ZC3H4: variants seen among roughly 807,000 people sequenced by gnomAD.
ZC3H4 encodes the protein zinc finger CCCH-type containing 4.
A neutral mutation model predicts 108.3 loss-of-function variants in ZC3H4; 13 were observed. That is an observed-to-expected ratio of 0.12 (90% CI 0.08 to 0.19). The LOEUF is 0.19. Among genes scored for constraint, ZC3H4 ranks in the 10% least tolerant of loss-of-function variants. ZC3H4 has a pLI of 1.00. For synonymous variants in ZC3H4, 917 were observed against 749.6 expected (o/e 1.22, Z -3.65); for missense variants, 1,734 against 1,838.8 (o/e 0.94, Z 1.04).
At position 47,090,995 on chromosome 19, in the gene ZC3H4, G is replaced by A. The variant is rs563040338; in HGVS notation, c.493-806C>T. The stretch of plus-strand genomic sequence containing the variant: ...AAAAGAAAGTCAGGGGGCTGGGCGC[G>A]GTGGCTCATGCCTGTAATCCCAGCA... On this transcript the variant is annotated intron_variant, in intron 4 of 14. Transcript: ENST00000253048. Among the ~76,000 whole-genome samples the A allele has an allele frequency of 9.2e-5, 14 of 152,298 alleles. 1 individual carries two copies. In the East Asian group the frequency reaches 1.5e-3, roughly 17 times the overall value.
intron 13 of ZC3H4, among the ~76,000 whole-genome samples, chr19:47,071,468 G>A (rs1039656745): frequency 3.3e-5 from 5 of 152,108 alleles, no homozygotes; most frequent in African/African-American, 1.2e-4. Context: ...ACTGAGTCCT[G>A]ATGGGCCCAC....
rs528031072 is a variant in ZC3H4 at position 47,077,772 on chromosome 19, G to A, written c.1440+3741C>T. The stretch of plus-strand genomic sequence containing the variant: ...CTCAGGAGGCTGAGGCAGGAGAATC[G>A]CTTGAACCTGGGAGGCGGAGGTCGT... On this transcript the variant is annotated intron_variant, in intron 11 of 14. Coordinates refer to ENST00000253048, the MANE Select transcript of ZC3H4 (RefSeq NM_015168.2). Among the ~76,000 whole-genome samples, 13 of 150,390 alleles carry A rather than the reference G, an allele frequency of 8.6e-5. No homozygotes were observed. In the East Asian group the frequency reaches 1.6e-3, roughly 18 times the overall value.
At chr19:47,070,987 A>AGAGCTGTGGG (rs1413065821) in intron 13 of ZC3H4, among the ~76,000 whole-genome samples, 29 of 151,836 alleles carry the variant, frequency 1.9e-4, no homozygotes, top group African/African-American at 7.0e-4. Flanking sequence ...CCCCAGTTCA[A>AGAGCTGTGGG]CACAGCGCCC....
chr19:47,092,652 A>G (rs1026677218), intron 4 of ZC3H4, among the ~76,000 whole-genome samples: 2 of 151,838 alleles, frequency 1.3e-5, no homozygotes, highest in Non-Finnish European at 2.9e-5. Flanking sequence ...CCCTGTCTCT[A>G]CTAAAAATAC....
chr19:47,077,139 G>C (rs1474506951), intron 11 of ZC3H4, among the ~76,000 whole-genome samples: 2 of 147,664 alleles, frequency 1.4e-5, no homozygotes, highest in Admixed American at 1.3e-4. Flanking sequence ...CAGCCTGGAC[G>C]ACAGAGCGAG....
chr19:47,101,249 C>T (rs544655172), intron 2 of ZC3H4, among the ~76,000 whole-genome samples: 3 of 152,052 alleles, frequency 2.0e-5, no homozygotes, highest in African/African-American at 4.8e-5. Flanking sequence ...GCGAGAGGAT[C>T]GATTCAGCCA....
chr19:47,077,468 TA>T (rs751302059), intron 11 of ZC3H4, among the ~76,000 whole-genome samples: 496 of 122,198 alleles, frequency 4.1e-3, no homozygotes, highest in African/African-American at 0.012. Flanking sequence ...AACTCCGTCT[TA>T]AAAAAAAAAA....
chr19:47,108,441 TG>T (rs1294974201), intron 2 of ZC3H4, among the ~76,000 whole-genome samples: 1 of 152,064 alleles, frequency 6.6e-6, no homozygotes, highest in African/African-American at 2.4e-5. Flanking sequence ...GCCATAAAAA[TG>T]TAACAAAAGG....
chr19:47,091,647 G>A (rs753635496), intron 4 of ZC3H4, among the ~76,000 whole-genome samples: 3 of 150,772 alleles, frequency 2.0e-5, no homozygotes, highest in Non-Finnish European at 2.9e-5. Context: ...CAGCACTTTC[G>A]GAGGCAAAGG....
rs751323266 is a variant in ZC3H4, at chr19:47,069,286, T to C, written c.2204A>G (p.Glu735Gly). 1.2e-6 allele frequency: 2 copies of C among 1,613,780 alleles called. No individual in the cohort carries two copies. Among genetic ancestry groups the C allele is most frequent in the African/African-American group, 2.7e-5 (2 of 74,902 alleles). ...GAAGCTGTCGGGCTCCAGAGGGTGC[T>C]CAGGGAAGAGGTGCTCCCCAGGCTC... ...PGEPGEHLFP[E>G]HPLEPDSFSE... The change falls in exon 14 of 15, where the codon GAG becomes GGG. Residue 735 changes from glutamate (E) to glycine (G), a missense_variant. Transcript: ENST00000253048.
At chr19:47,087,769 G>C (rs2057657384) in intron 5 of ZC3H4, among the ~76,000 whole-genome samples, 1 of 152,160 alleles carries the variant, frequency 6.6e-6, no homozygotes, top group Non-Finnish European at 1.5e-5. Context: ...AGCTACTGGA[G>C]AGGCTAAGGC....
Position 47,081,682 on chromosome 19 carries a change from G to A in ZC3H4, c.1331-60C>T, listed in dbSNP as rs888300328. The A allele has an allele frequency of 3.6e-6, 5 of 1,405,056 alleles. No homozygotes were observed. In the African/African-American group the frequency reaches 5.7e-5, roughly 16 times the overall value. The allele number at this position is 1,405,056 out of a possible 1,614,324, so 87.0% of individuals were successfully genotyped here. A position where few individuals can be genotyped will look rare whatever the true frequency, so the allele number is the denominator to read the frequency against. ...CAGAACGCCCCCCTCCCCCACCACA[G>A]ACCCAAGGCAGAATCCAGCTCCCTT... is the stretch of plus-strand genomic sequence containing the variant. On this transcript the variant is annotated intron_variant, in intron 10 of 14. Coordinates refer to ENST00000253048, the MANE Select transcript of ZC3H4 (RefSeq NM_015168.2).
In ZC3H4 at chr19:47,072,504, TGGGGGA is replaced by T. The variant is rs779513159; in HGVS notation, c.1644_1649del (p.Pro551_Pro552del). On this transcript the variant is annotated inframe_deletion, in exon 12 of 15. Coordinates refer to ENST00000253048, the MANE Select transcript of ZC3H4 (RefSeq NM_015168.2). The surrounding 1 kb of genome is among the most constrained non-coding windows in gnomAD (Gnocchi z 5.6). ...TGGGCATCTGAGGGGGCCCGGGCGG[TGGGGGA>T]GGGGGAGGGGGCGGGGGCGGGGGGC... The T allele has an allele frequency of 0.032, 5,226 of 165,780 alleles. 19 individuals are homozygous for T. The highest frequency in any genetic ancestry group is 0.053 in the African/African-American group (290 of 5,474). The allele number at this position is 165,780 out of a possible 1,614,324, so 10.3% of individuals were successfully genotyped here. A position where few individuals can be genotyped will look rare whatever the true frequency, so the allele number is the denominator to read the frequency against.
chr19:47,075,002 T>A (rs997357366), intron 11 of ZC3H4, among the ~76,000 whole-genome samples: 1 of 152,144 alleles, frequency 6.6e-6, no homozygotes, highest in African/African-American at 2.4e-5. Flanking sequence ...GTCATCAAGA[T>A]AAACTAGTCC....
Position 47,066,480 on chromosome 19 carries a change from G to T in ZC3H4, c.3788C>A (p.Pro1263His). 6.3e-7 allele frequency: 1 copy of T among 1,583,712 alleles called. No individual in the cohort carries two copies. Among genetic ancestry groups the T allele is most frequent in the Non-Finnish European group, 8.6e-7 (1 of 1,164,480 alleles). The change falls in exon 15 of 15, where the codon CCC becomes CAC. Residue 1263 changes from proline (P) to histidine (H), a missense_variant. Coordinates refer to ENST00000253048, the MANE Select transcript of ZC3H4 (RefSeq NM_015168.2). Reference sequence around the variant, plus strand: ...AAATGGGCTTCCTGAGCCCGTCTTGGGTGTCTGCTTCACCGTCCCGAAGAG... The same window carrying T: ...AAATGGGCTTCCTGAGCCCGTCTTGTGTGTCTGCTTCACCGTCCCGAAGAG... ...PTLFGTVKQTPKTGSGSPFAG... is the reference protein window; with the variant it reads ...PTLFGTVKQTHKTGSGSPFAG...
intron 8 of ZC3H4, 78 bp downstream of exon 8, chr19:47,084,978 C>T (rs2057590697): frequency 1.3e-6 from 2 of 1,575,270 alleles, no homozygotes; most frequent in East Asian, 2.2e-5. Context: ...ATCAGCTTCA[C>T]AGAATGACTC....
chr19:47,104,888 C>G (rs1199666226), intron 2 of ZC3H4, among the ~76,000 whole-genome samples: 2 of 152,166 alleles, frequency 1.3e-5, no homozygotes, highest in Non-Finnish European at 2.9e-5. Context: ...GGGCCCAGCT[C>G]CCTCGGTTAG....
intron 2 of ZC3H4, among the ~76,000 whole-genome samples, chr19:47,096,523 C>T (rs531873257): frequency 4.6e-5 from 7 of 152,190 alleles, no homozygotes; most frequent in African/African-American, 7.2e-5. Flanking sequence ...GCAAACTGCC[C>T]GCCGCCAGGA....
At chr19:47,093,917 G>A in intron 4 of ZC3H4, 53 bp downstream of exon 4, 1 of 1,490,944 alleles carries the variant, frequency 6.7e-7, no homozygotes. Flanking sequence ...AGAAACACAA[G>A]CAGTTGAACT....
Sources: allele counts gnomAD v4.1 joint callset (sites outside exome capture counted in the v4.1 genomes callset), GRCh38; gene constraint gnomAD v4.1.1; non-coding constraint Gnocchi (gnomAD v3.1); transcripts MANE v1.5; gene names NCBI Gene and HGNC (gene_info 2026-07-23, HGNC 2026-07-21).